Variants in CDC123 observed in about 807,000 individuals in gnomAD.
CDC123 encodes the protein cell division cycle 123, also known as translation initiation factor eIF2 assembly protein.
Under a neutral mutation model 54.4 loss-of-function variants are expected in CDC123, and 37 were observed. That is an observed-to-expected ratio of 0.68 (90% CI 0.52 to 0.89). The LOEUF (loss-of-function observed/expected upper bound fraction) is 0.89. CDC123 is among the 40% of genes least tolerant of loss of function. The pLI is 0.00. For missense variants in CDC123, 361 were observed against 412.1 expected (o/e 0.88, Z 1.07); for synonymous variants, 144 against 136.8 (o/e 1.05, Z -0.37).
intron 7 of CDC123, among the ~76,000 whole-genome samples, chr10:12,233,098 AT>A (rs1340375560): frequency 1.3e-5 from 2 of 152,028 alleles, no homozygotes; most frequent in African/African-American, 2.4e-5. Flanking sequence ...TACCTCCAAG[AT>A]TTATTTACCA....
intron 4 of CDC123, among the ~76,000 whole-genome samples, chr10:12,213,045 AATAC>A (rs1448083242): frequency 6.6e-6 from 1 of 152,234 alleles, no homozygotes; most frequent in Non-Finnish European, 1.5e-5. Flanking sequence ...GGCACTAACT[AATAC>A]ATGTAGTAGG....
intron 6 of CDC123, among the ~76,000 whole-genome samples, chr10:12,224,903 G>A (rs2131747202): frequency 6.6e-6 from 1 of 152,220 alleles, no homozygotes; most frequent in Middle Eastern, 3.4e-3. Flanking sequence ...TCTAGCTGAA[G>A]CTGCGGCCCT....
chr10:12,242,865 C>T (rs1271705944), intron 10 of CDC123, among the ~76,000 whole-genome samples: 1 of 151,694 alleles, frequency 6.6e-6, no homozygotes, highest in African/African-American at 2.4e-5. Context: ...CCACTTGAGC[C>T]CAGGAGGAGG....
At position 12,198,735 on chromosome 10, in the gene CDC123, G is replaced by A. The variant is rs1289985886; in HGVS notation, c.105G>A (p.Lys35=). The part of the protein sequence containing the change: ...SVILPLPQNV[K]DYLLDDGTLV... ...TTCTTCCACTTCCTCAGAATGTGAA[G>A]GATTATTTACTCGATGATGGAACTC... is the stretch of plus-strand genomic sequence containing the variant. Residue 35 remains lysine, a synonymous_variant, in exon 2 of 13, where the codon AAG becomes AAA. Coordinates refer to ENST00000281141, the MANE Select transcript of CDC123 (RefSeq NM_006023.3). 6.3e-7 allele frequency: 1 copy of A among 1,596,592 alleles called. No individual in the cohort carries two copies. The highest frequency in any genetic ancestry group is 1.1e-5 in the South Asian group (1 of 87,838).
chr10:12,209,411 T>C (rs74616269), intron 2 of CDC123, among the ~76,000 whole-genome samples: 1,751 of 152,176 alleles, frequency 0.012, 26 homozygotes, highest in Non-Finnish European at 0.016. Context: ...TAATTTTTAA[T>C]TTTTTTGTAA....
intron 4 of CDC123, among the ~76,000 whole-genome samples, chr10:12,212,815 T>C (rs1196563624): frequency 6.6e-6 from 1 of 152,240 alleles, no homozygotes; most frequent in Admixed American, 6.5e-5. Context: ...TAAATGACTT[T>C]TGTGTTTAGA....
chr10:12,229,942 CACA>C (rs768344318), intron 6 of CDC123, among the ~76,000 whole-genome samples: 2 of 151,972 alleles, frequency 1.3e-5, no homozygotes, highest in Non-Finnish European at 2.9e-5. Flanking sequence ...GTAAGATGCA[CACA>C]ACAAGAACGT....
intron 8 of CDC123, 95 bp downstream of exon 8, chr10:12,235,218 G>C: frequency 9.8e-7 from 1 of 1,016,842 alleles, no homozygotes; most frequent in Non-Finnish European, 1.5e-6. Flanking sequence ...AATTAGGACA[G>C]GGATGTCAAT....
intron 4 of CDC123, among the ~76,000 whole-genome samples, chr10:12,212,598 G>C (rs971886870): frequency 1.3e-5 from 2 of 152,146 alleles, no homozygotes; most frequent in Non-Finnish European, 1.5e-5. Context: ...TCAGCTTCCT[G>C]AGTAGCAGGT....
chr10:12,249,555 C>T, intron 11 of CDC123, 26 bp from the exon 12 acceptor site: 2 of 1,598,800 alleles, frequency 1.3e-6, no homozygotes, highest in Non-Finnish European at 1.7e-6. Flanking sequence ...GATTGATATT[C>T]TTTCTCCTTT....
chr10:12,239,897 A>T lies in CDC123; in HGVS notation c.717+1412A>T, dbSNP rs374851447. On this transcript the variant is annotated intron_variant, in intron 10 of 12. Coordinates refer to ENST00000281141, the MANE Select transcript of CDC123 (RefSeq NM_006023.3). ...TTGGCGGGCACTTGTAGTCCCAGCT[A>T]CTCTGGAGGCTGAGGCGGGAGAATG... Among the ~76,000 whole-genome samples the T allele has an allele frequency of 2.7e-5, 4 of 149,642 alleles. No homozygotes were observed. The South Asian group carries it at 8.5e-4, about 32-fold the overall frequency.
Position 12,209,998 on chromosome 10 carries a change from A to G in CDC123, c.178A>G (p.Ser60Gly), listed in dbSNP as rs1376978351. ...DDPPTHSQPD[S>G]DDEAEEIQWS... ...TCCACCAACACATTCTCAGCCAGACAGTGATGATGAAGCAGAAGAAATACA... is the reference window on the plus strand; with the variant it reads ...TCCACCAACACATTCTCAGCCAGACGGTGATGATGAAGCAGAAGAAATACA... The change falls in exon 3 of 13, where the codon AGT (serine) becomes GGT (glycine). Residue 60 changes from serine (S) to glycine (G), a missense_variant. By Grantham distance (56) the Ser-to-Gly change is moderately conservative. Transcript: ENST00000281141. 2 of 1,614,070 alleles carry G rather than the reference A, an allele frequency of 1.2e-6. No individual in the cohort carries two copies. Among genetic ancestry groups the G allele is most frequent in the Non-Finnish European group, 1.7e-6 (2 of 1,180,032 alleles).
chr10:12,201,135 A>T (rs1453354327), intron 2 of CDC123, among the ~76,000 whole-genome samples: 1 of 152,204 alleles, frequency 6.6e-6, no homozygotes, highest in Non-Finnish European at 1.5e-5. Context: ...TCTGTGCCTC[A>T]GTTTCCTTGT....
intron 11 of CDC123, among the ~76,000 whole-genome samples, chr10:12,248,053 A>G (rs1836182532): frequency 6.6e-6 from 1 of 152,154 alleles, no homozygotes; most frequent in African/African-American, 2.4e-5. Context: ...AAAATCACTT[A>G]TGATTTGAGA....
intron 4 of CDC123, among the ~76,000 whole-genome samples, chr10:12,211,504 C>T (rs988665178): frequency 1.3e-5 from 2 of 152,200 alleles, no homozygotes; most frequent in African/African-American, 4.8e-5. Context: ...GTTTCATTTA[C>T]TCCAGATGCC....
intron 7 of CDC123, among the ~76,000 whole-genome samples, chr10:12,231,662 A>T (rs960898292): frequency 2.2e-4 from 34 of 151,992 alleles, no homozygotes; most frequent in African/African-American, 7.2e-4. Context: ...AGGATAGTGA[A>T]AAAACAACTT....
At chr10:12,212,303 T>C (rs577719060) in intron 4 of CDC123, among the ~76,000 whole-genome samples, 13 of 152,254 alleles carry the variant, frequency 8.5e-5, no homozygotes, top group East Asian at 1.9e-4. Context: ...CTTGGAGATA[T>C]TCTGGACTGG....
In CDC123 at chr10:12,238,594, G is replaced by A; in HGVS notation, c.717+109G>A. 4 of 1,352,656 alleles carry A rather than the reference G, an allele frequency of 3.0e-6. No homozygotes were observed. The African/African-American group carries it at 4.4e-5, about 15-fold the overall frequency. The allele number at this position is 1,352,656 out of a possible 1,614,324, so 83.8% of individuals were successfully genotyped here. On this transcript the variant is annotated intron_variant, in intron 10 of 12. Transcript: ENST00000281141. ...AGGATCCATGCTCAAAAAATATTTT[G>A]TCTGGGTGCAGCAGCTCATGCCTGT... is the stretch of plus-strand genomic sequence containing the variant.
chr10:12,249,766 C>G, intron 12 of CDC123, 48 bp downstream of exon 12: 17 of 1,546,684 alleles, frequency 1.1e-5, no homozygotes, highest in Non-Finnish European at 1.5e-5. Context: ...TCAAATAGAC[C>G]TTCAAATTGG....
Sources: gnomAD v4.1 joint callset for allele counts (sites outside exome capture counted in the v4.1 genomes callset) on GRCh38, gnomAD v4.1.1 for gene constraint, MANE v1.5 for transcripts, NCBI Gene and HGNC (gene_info 2026-07-23, HGNC 2026-07-21) for gene names.